The following PCNT variants were observed in gnomAD, a reference collection of about 807,000 sequenced individuals.
PCNT encodes kendrin.
A neutral mutation model predicts 380.4 loss-of-function variants in PCNT; 319 were observed. The ratio of observed to expected loss-of-function variants is 0.84; its 90% CI spans 0.77 to 0.92. PCNT has a LOEUF of 0.92. Ranked by LOEUF, PCNT falls within the 40% of genes least tolerant of loss-of-function variation. The pLI is 0.00. For missense variants in PCNT, 4,400 were observed against 4,255.3 expected, an observed-to-expected ratio of 1.03 and a Z score of -0.95; for synonymous variants, 1,845 against 1,735.2, an observed-to-expected ratio of 1.06 and a Z score of -1.57.
chr21:46,367,469 G>A (rs551434158), intron 15 of PCNT, among the ~76,000 whole-genome samples: 17 of 152,136 alleles, frequency 1.1e-4, no homozygotes, highest in African/African-American at 3.9e-4. Context: ...CACCATGCGC[G>A]GCTAATTTTT....
At chr21:46,387,691 A>C (rs571129426) in intron 17 of PCNT, among the ~76,000 whole-genome samples, 1 of 152,010 alleles carries the variant, frequency 6.6e-6, no homozygotes, top group Non-Finnish European at 1.5e-5. Flanking sequence ...CCTGCACGAC[A>C]CTGCCTCCCG....
chr21:46,418,382 C>A, intron 31 of PCNT, 76 bp downstream of exon 31: 3 of 908,874 alleles, frequency 3.3e-6, no homozygotes, highest in Non-Finnish European at 3.6e-6. Flanking sequence ...AGAATTCCTG[C>A]ATCCTTTGCC....
chr21:46,374,909 T>C (rs932193290), intron 15 of PCNT, among the ~76,000 whole-genome samples: 9 of 151,980 alleles, frequency 5.9e-5, no homozygotes, highest in African/African-American at 2.2e-4. Context: ...CGGGAGTGTT[T>C]TGGGTCATTG....
chr21:46,355,984 C>G (rs1259158922), intron 12 of PCNT, among the ~76,000 whole-genome samples: 1 of 152,208 alleles, frequency 6.6e-6, no homozygotes, highest in African/African-American at 2.4e-5. Context: ...GGATCCTGCT[C>G]TGCTCCCAGC....
intron 15 of PCNT, among the ~76,000 whole-genome samples, chr21:46,379,706 C>T (rs1453482516): frequency 6.6e-6 from 1 of 152,078 alleles, no homozygotes; most frequent in African/African-American, 2.4e-5. Context: ...TCTGCCTGCT[C>T]GAGTCTGCTG....
rs1238478062 is a variant in PCNT, at chr21:46,388,888, A to T, written c.3607+4A>T. ...GCAGGCCTGGCCCTGTCGACAGGTG[A>T]GTGTGCCGGGACCAGCTGCCCAGCC... On this transcript the variant is annotated splice_donor_region_variant and intron_variant, in intron 18 of 46. Coordinates refer to ENST00000359568, the MANE Select transcript of PCNT (RefSeq NM_006031.6). The surrounding 1 kb of genome is among the most constrained non-coding windows in gnomAD (Gnocchi z 4.2). 1 of 1,595,754 alleles carries T rather than the reference A, an allele frequency of 6.3e-7. No individual in the cohort carries two copies. Among genetic ancestry groups the T allele is most frequent in the East Asian group, 2.2e-5 (1 of 44,552 alleles).
rs1043287589 is a variant in PCNT at position 46,355,596 on chromosome 21, C to T, written c.1906C>T (p.Arg636Cys). ...VETSALGHEW[R>C]LEPSEGHSQE... is the part of the protein sequence containing the mutation. The stretch of plus-strand genomic sequence containing the variant: ...GACTTCAGCATTGGGACACGAGTGG[C>T]GTCTGGAACCCTCTGAAGGGCACAG... The change falls in exon 12 of 47, where the codon CGT (arginine) becomes TGT (cysteine). Residue 636 changes from arginine to cysteine, a missense_variant. Physicochemically the swap from Arg to Cys is radical, Grantham distance 180 (BLOSUM62 -3). Coordinates refer to ENST00000359568, the MANE Select transcript of PCNT (RefSeq NM_006031.6). The T allele has an allele frequency of 6.2e-6, 10 of 1,613,834 alleles. No individual in the cohort carries two copies. Among genetic ancestry groups the T allele is most frequent in the East Asian group, 4.5e-5 (2 of 44,876 alleles).
At chr21:46,359,478 C>CTTTTTTTTTTT (rs1439114322) in intron 13 of PCNT, among the ~76,000 whole-genome samples, 5 of 72,638 alleles carry the variant, frequency 6.9e-5, no homozygotes, top group Non-Finnish European at 6.6e-5. Context: ...AAAAATACAC[C>CTTTTTTTTTTT]TGTTTTTTTT....
intron 21 of PCNT, among the ~76,000 whole-genome samples, chr21:46,396,924 G>A (rs118147673): frequency 6.6e-6 from 1 of 152,114 alleles, no homozygotes; most frequent in African/African-American, 2.4e-5. Context: ...TTGATTTACC[G>A]ATGGGGCGTT....
intron 3 of PCNT, among the ~76,000 whole-genome samples, chr21:46,339,299 T>C (rs1453765619): frequency 2.6e-5 from 4 of 152,244 alleles, no homozygotes; most frequent in Non-Finnish European, 4.4e-5. Flanking sequence ...GGTTTCGCTC[T>C]GCCCCTCTCT....
At chr21:46,430,296 G>A in intron 36 of PCNT, 64 bp downstream of exon 36, 1 of 1,504,128 alleles carries the variant, frequency 6.6e-7, no homozygotes, top group Non-Finnish European at 9.1e-7. Context: ...TGTTTTCTTG[G>A]TGATGAAGGG....
chr21:46,352,296 C>T (rs1569184560), intron 9 of PCNT, among the ~76,000 whole-genome samples: 1 of 152,248 alleles, frequency 6.6e-6, no homozygotes, highest in Non-Finnish European at 1.5e-5. Context: ...GGCCTGGCTC[C>T]GCCTCCCAGC....
intron 38 of PCNT, 70 bp from the exon 39 acceptor site, chr21:46,435,834 G>T: frequency 6.3e-7 from 1 of 1,595,428 alleles, no homozygotes; most frequent in Non-Finnish European, 8.6e-7. Flanking sequence ...GAACCACCGC[G>T]CCCGGCCGGC....
chr21:46,330,499 A>T (rs1320365982), intron 2 of PCNT, among the ~76,000 whole-genome samples: 1 of 152,182 alleles, frequency 6.6e-6, no homozygotes, highest in African/African-American at 2.4e-5. Flanking sequence ...GCTGTACACT[A>T]AGTTAGGAAT....
intron 25 of PCNT, 43 bp downstream of exon 25, chr21:46,399,839 C>A: frequency 6.5e-7 from 1 of 1,536,228 alleles, no homozygotes; most frequent in Non-Finnish European, 9.0e-7. Flanking sequence ...GGTGAGGTGT[C>A]CCGCAGGCAT....
At chr21:46,371,214 CTT>C (rs924903931) in intron 15 of PCNT, among the ~76,000 whole-genome samples, 24 of 136,774 alleles carry the variant, frequency 1.8e-4, no homozygotes, top group Admixed American at 2.2e-4. Context: ...TTCTTTCTTT[CTT>C]TTTTTTTTTT....
At chr21:46,373,291 A>G (rs771486021) in intron 15 of PCNT, among the ~76,000 whole-genome samples, 1 of 152,216 alleles carries the variant, frequency 6.6e-6, no homozygotes, top group Non-Finnish European at 1.5e-5. Flanking sequence ...TGCTGGGACC[A>G]TAGGCGTGAG....
Position 46,411,393 on chromosome 21 carries a change from G to T in PCNT, c.5320G>T (p.Glu1774Ter). Residue 1774 changes from glutamate (E) to a stop codon, truncating the protein, a stop_gained, in exon 28 of 47, where the codon GAG becomes TAG. Transcript: ENST00000359568. LOFTEE classifies it high-confidence loss of function. The part of the protein sequence containing the change: ...SDSQAGSLQS[E>*]LLCSQAGGPR... ...CAGTCAGGCTGGCAGTCTGCAGAGCGAGCTGCTCTGCTCCCAGGCCGGGGG... is the reference window on the plus strand; with the variant it reads ...CAGTCAGGCTGGCAGTCTGCAGAGCTAGCTGCTCTGCTCCCAGGCCGGGGG... The T allele has an allele frequency of 1.2e-6, 2 of 1,613,792 alleles. No individual in the cohort carries two copies. The highest frequency in any genetic ancestry group is 1.7e-6 in the Non-Finnish European group (2 of 1,180,000).
chr21:46,375,308 TTAAGA>T (rs914914168), intron 15 of PCNT, among the ~76,000 whole-genome samples: 1 of 152,174 alleles, frequency 6.6e-6, no homozygotes, highest in Non-Finnish European at 1.5e-5. Context: ...TATTTTAATA[TTAAGA>T]TAATATTAAC....
Sources: gnomAD v4.1 joint callset for allele counts (sites outside exome capture counted in the v4.1 genomes callset) on GRCh38, gnomAD v4.1.1 for gene constraint, Gnocchi (gnomAD v3.1) non-coding constraint, MANE v1.5 for transcripts, NCBI Gene and HGNC (gene_info 2026-07-23, HGNC 2026-07-21) for gene names.